The following NPC2 variants were observed in gnomAD, a reference collection of about 807,000 sequenced individuals.
NPC2 encodes Niemann-Pick disease type C2 protein.
NPC2 carries 14 observed loss-of-function variants against 17.0 expected under a neutral mutation model. The ratio of observed to expected loss-of-function variants is 0.82; its 90% CI spans 0.54 to 1.29. NPC2 has a LOEUF of 1.29. Among genes scored for constraint, NPC2 ranks in the 50% most tolerant of loss-of-function variants. NPC2 has a pLI of 0.00. For synonymous variants in NPC2, 75 were observed against 69.3 expected, an observed-to-expected ratio of 1.08 and a Z score of -0.41; for missense variants, 167 against 183.4, an observed-to-expected ratio of 0.91 and a Z score of 0.52.
intron 3 of NPC2, 75 bp downstream of exon 3, chr14:74,484,340 G>A: frequency 6.6e-7 from 1 of 1,506,580 alleles, no homozygotes; most frequent in East Asian, 2.3e-5. Context: ...CCCCATCTCT[G>A]CTTCTTGCCC....
At chr14:74,484,322 C>A in intron 3 of NPC2, 93 bp downstream of exon 3, 1 of 1,296,910 alleles carries the variant, frequency 7.7e-7, no homozygotes, top group Non-Finnish European at 1.1e-6. Flanking sequence ...AGATAAGGGG[C>A]CCTTTACCCC....
upstream of NPC2, chr14:74,493,397 T>G (rs943096464): frequency 2.0e-5 from 31 of 1,540,436 alleles, no homozygotes; most frequent in Non-Finnish European, 2.7e-5. This position sits in a 1 kb window ranked among gnomAD's most constrained non-coding sequence, Gnocchi z 4.1. Context: ...TAACCACAGC[T>G]GAGGCCCGCC....
At chr14:74,489,713 A>T (rs1370565800) in intron 1 of NPC2, among the ~76,000 whole-genome samples, 4 of 152,246 alleles carry the variant, frequency 2.6e-5, no homozygotes, top group Non-Finnish European at 5.9e-5. Context: ...AATGCAGGTG[A>T]ACTGCCTGAT....
At chr14:74,493,312 C>A, upstream of NPC2, 2 of 1,597,158 alleles carry the variant, frequency 1.3e-6, no homozygotes, top group South Asian at 1.1e-5. This position sits in a 1 kb window ranked among gnomAD's most constrained non-coding sequence, Gnocchi z 4.1. Context: ...AAAGAAGCAG[C>A]GGCCGCCCGC....
chr14:74,484,348 C>A, intron 3 of NPC2, 67 bp downstream of exon 3: 1 of 1,545,406 alleles, frequency 6.5e-7, no homozygotes, highest in Non-Finnish European at 8.9e-7. Flanking sequence ...CTGCTTCTTG[C>A]CCACTGCCCT....
At chr14:74,484,023 T>A (rs1157851619) in intron 3 of NPC2, among the ~76,000 whole-genome samples, 1 of 152,182 alleles carries the variant, frequency 6.6e-6, no homozygotes, top group African/African-American at 2.4e-5. Context: ...ATGGGTCTTT[T>A]ATAGGAAAAA....
chr14:74,485,200 C>T lies in NPC2; in HGVS notation c.191-613G>A, dbSNP rs575900346. Among the ~76,000 whole-genome samples the T allele has an allele frequency of 5.7e-5, 8 of 140,872 alleles. No individual in the cohort carries two copies. The South Asian group carries it at 7.1e-4, about 12-fold the overall frequency. The allele number at this position is 140,872 out of a possible 152,430, so 92.4% of individuals were successfully genotyped here. A position where few individuals can be genotyped will look rare whatever the true frequency, so the allele number is the denominator to read the frequency against. On this transcript the variant is annotated intron_variant, in intron 2 of 4. Coordinates refer to ENST00000555619, the MANE Select transcript of NPC2 (RefSeq NM_006432.5). The stretch of plus-strand genomic sequence containing the variant: ...ATCTCAGCTACTCAAGAGGCTGAGG[C>T]GGGAGAATCGCTTGAGCCCAGGAGG...
At chr14:74,483,055 G>GA in intron 3 of NPC2, 2 of 1,300,504 alleles carry the variant, frequency 1.5e-6, no homozygotes, top group Non-Finnish European at 2.2e-6. Context: ...AATTTTTGTT[G>GA]AAAAATATGA....
rs2086673360 is a variant in NPC2 at position 74,483,194 on chromosome 14, A to G, written c.363+1221T>C. 3 of 855,644 alleles carry G rather than the reference A, an allele frequency of 3.5e-6. No homozygotes were observed. In the Admixed American group the frequency reaches 5.6e-5, roughly 16 times the overall value. 53.0% of individuals were successfully genotyped at this position (855,644 alleles called of 1,614,324 possible). The stretch of plus-strand genomic sequence containing the variant: ...AGGGATTTGTATATGAAGAATGGCC[A>G]AGGTTTTGCACTAGTATATTCAGTC... On this transcript the variant is annotated intron_variant, in intron 3 of 4. Coordinates refer to ENST00000555619, the MANE Select transcript of NPC2 (RefSeq NM_006432.5).
intron 1 of NPC2, among the ~76,000 whole-genome samples, chr14:74,487,081 G>C (rs965580199): frequency 1.8e-4 from 27 of 151,784 alleles, no homozygotes; most frequent in African/African-American, 6.5e-4. Flanking sequence ...CTCCTGAGTA[G>C]CTGGGACTAC....
At chr14:74,486,488 G>T in intron 1 of NPC2, 52 bp from the exon 2 acceptor site, 1 of 1,453,312 alleles carries the variant, frequency 6.9e-7, no homozygotes, top group Non-Finnish European at 9.5e-7. Context: ...AAATAAGCCA[G>T]CTAGGCTGCC....
At chr14:74,484,103 G>T (rs894922292) in intron 3 of NPC2, among the ~76,000 whole-genome samples, 3 of 151,988 alleles carry the variant, frequency 2.0e-5, no homozygotes, top group African/African-American at 7.3e-5. Context: ...CTCTAATATT[G>T]CTTCTTGTGT....
chr14:74,489,861 T>C (rs1021057279), intron 1 of NPC2, among the ~76,000 whole-genome samples: 1 of 152,246 alleles, frequency 6.6e-6, no homozygotes, highest in African/African-American at 2.4e-5. Flanking sequence ...CAAGATACTT[T>C]ACCTCTCTGG....
At chr14:74,480,825 A>C (rs1038022198) in intron 3 of NPC2, 46 bp from the exon 4 acceptor site, 5 of 1,465,080 alleles carry the variant, frequency 3.4e-6, no homozygotes, top group Non-Finnish European at 4.8e-6. Flanking sequence ...ATAGGACCTG[A>C]CTTCTATCCA....
intron 3 of NPC2, chr14:74,483,016 T>C: frequency 9.9e-7 from 1 of 1,005,932 alleles, no homozygotes; most frequent in East Asian, 2.6e-5. Flanking sequence ...TGTTGGGCAG[T>C]CTGCTCTGAT....
At position 74,480,273 on chromosome 14, in the gene NPC2, C is replaced by T; in HGVS notation, c.*1G>A. ...CAGATGCACCGAACTCAATGAGGCA[C>T]TTAGAGATGAGAAACCTGTGGATGT... On this transcript the variant is annotated 3_prime_UTR_variant, in exon 5 of 5. Transcript: ENST00000555619. 6.2e-7 allele frequency: 1 copy of T among 1,614,018 alleles called. No individual in the cohort carries two copies. Among genetic ancestry groups the T allele is most frequent in the Non-Finnish European group, 8.5e-7 (1 of 1,179,994 alleles).
chr14:74,481,646 C>A (rs1378571227), intron 3 of NPC2, among the ~76,000 whole-genome samples: 1 of 152,178 alleles, frequency 6.6e-6, no homozygotes, highest in African/African-American at 2.4e-5. Flanking sequence ...TGTCAAAGCA[C>A]AAAAGATGGC....
intron 2 of NPC2, among the ~76,000 whole-genome samples, chr14:74,485,354 A>C (rs4243647): frequency 2.7e-5 from 4 of 146,440 alleles, no homozygotes; most frequent in South Asian, 2.1e-4. Context: ...AAGACATGCA[A>C]TTCTTTATAA....
intron 3 of NPC2, chr14:74,483,321 A>C: frequency 7.9e-7 from 1 of 1,271,692 alleles, no homozygotes; most frequent in Non-Finnish European, 1.1e-6. Context: ...CTGGAAGATG[A>C]GTGAGTAGTT....
Sources: allele counts gnomAD v4.1 joint callset (sites outside exome capture counted in the v4.1 genomes callset), GRCh38; gene constraint gnomAD v4.1.1; non-coding constraint Gnocchi (gnomAD v3.1); transcripts MANE v1.5; gene names NCBI Gene and HGNC (gene_info 2026-07-23, HGNC 2026-07-21).